Variants in FHIT observed in about 807,000 individuals in gnomAD.
FHIT encodes bis(5'-adenosyl)-triphosphatase.
A neutral mutation model predicts 17.9 loss-of-function variants in FHIT; 19 were observed. The ratio of observed to expected loss-of-function variants is 1.06; its 90% CI spans 0.74 to 1.56. The LOEUF (loss-of-function observed/expected upper bound fraction) is 1.56, where lower values mean the gene tolerates loss of function less well. Ranked by LOEUF, FHIT falls within the 40% of genes most tolerant of loss-of-function variation. The pLI is 0.00. For synonymous variants in FHIT, 81 were observed against 69.7 expected, an observed-to-expected ratio of 1.16 and a Z score of -0.81; for missense variants, 248 against 189.2, an observed-to-expected ratio of 1.31 and a Z score of -1.82.
chr3:59,983,362 G>A (rs537102190), intron 7 of FHIT, among the ~76,000 whole-genome samples: 1 of 152,200 alleles, frequency 6.6e-6, no homozygotes, highest in South Asian at 2.1e-4. Context: ...TACTTTCTAT[G>A]GTTTCAAGTT....
intron 4 of FHIT, among the ~76,000 whole-genome samples, chr3:60,744,413 G>A (rs2042315796): frequency 6.6e-6 from 1 of 152,000 alleles, no homozygotes; most frequent in Non-Finnish European, 1.5e-5. Flanking sequence ...ATGGATCAGT[G>A]AAAACAACGA....
At chr3:61,212,783 A>G (rs1576232729) in intron 1 of FHIT, among the ~76,000 whole-genome samples, 1 of 152,382 alleles carries the variant, frequency 6.6e-6, no homozygotes, top group African/African-American at 2.4e-5. Context: ...AGGGAAGCCT[A>G]TCAGACTAAC....
chr3:60,822,350 T>A (rs1340529764), intron 3 of FHIT, among the ~76,000 whole-genome samples: 2 of 152,102 alleles, frequency 1.3e-5, no homozygotes, highest in Non-Finnish European at 2.9e-5. Flanking sequence ...GCACTGGGGC[T>A]TTCCATTTTG....
intron 3 of FHIT, among the ~76,000 whole-genome samples, chr3:60,885,619 A>C (rs1250170433): frequency 6.6e-6 from 1 of 151,928 alleles, no homozygotes; most frequent in Non-Finnish European, 1.5e-5. Flanking sequence ...TTCAAAATTG[A>C]CTCTTGTCCA....
chr3:60,920,991 A>G (rs1376952985), intron 3 of FHIT, among the ~76,000 whole-genome samples: 6 of 152,226 alleles, frequency 3.9e-5, no homozygotes, highest in South Asian at 2.1e-4. Flanking sequence ...GGCTAACTGT[A>G]TAAGTATAGG....
At chr3:60,823,908 A>C (rs570222603) in intron 3 of FHIT, among the ~76,000 whole-genome samples, 1 of 152,278 alleles carries the variant, frequency 6.6e-6, no homozygotes, top group African/African-American at 2.4e-5. Flanking sequence ...AGAAAGTACA[A>C]ACCTCCCAGG....
chr3:60,304,202 G>T (rs1405256585), intron 5 of FHIT, among the ~76,000 whole-genome samples: 2 of 149,736 alleles, frequency 1.3e-5, no homozygotes, highest in African/African-American at 4.9e-5. Flanking sequence ...TTAAATGCCT[G>T]TGAACACACT....
At chr3:60,210,658 T>C (rs2107514910) in intron 5 of FHIT, among the ~76,000 whole-genome samples, 1 of 152,262 alleles carries the variant, frequency 6.6e-6, no homozygotes, top group South Asian at 2.1e-4. Flanking sequence ...CACTGGACTG[T>C]GCTGTTAATA....
chr3:61,159,576 A>G (rs1020663813), intron 2 of FHIT, among the ~76,000 whole-genome samples: 5 of 152,240 alleles, frequency 3.3e-5, no homozygotes, highest in Non-Finnish European at 7.3e-5. Flanking sequence ...AGCAGCCATC[A>G]AAGTCCATGG....
chr3:60,490,676 A>C (rs2034025955), intron 5 of FHIT, among the ~76,000 whole-genome samples: 1 of 151,974 alleles, frequency 6.6e-6, no homozygotes, highest in Non-Finnish European at 1.5e-5. Context: ...TGTACCAAAA[A>C]AAAAAAAAAA....
intron 1 of FHIT, among the ~76,000 whole-genome samples, chr3:61,204,017 G>A (rs987986700): frequency 2.0e-5 from 3 of 152,032 alleles, no homozygotes; most frequent in African/African-American, 7.2e-5. Context: ...ATATAACTTT[G>A]GAAAATCAGT....
chr3:59,999,637 T>TA (rs1699651657), intron 7 of FHIT, among the ~76,000 whole-genome samples: 1 of 152,222 alleles, frequency 6.6e-6, no homozygotes, highest in East Asian at 1.9e-4. Flanking sequence ...ATTGGTCACC[T>TA]AATTTTTTTC....
intron 5 of FHIT, among the ~76,000 whole-genome samples, chr3:60,134,997 T>A (rs191902561): frequency 6.6e-6 from 1 of 150,882 alleles, no homozygotes; most frequent in East Asian, 2.0e-4. Flanking sequence ...GGAAAGGAGA[T>A]GAAAAAGGAT....
intron 5 of FHIT, among the ~76,000 whole-genome samples, chr3:60,171,872 T>A (rs1375559516): frequency 3.3e-4 from 11 of 33,352 alleles, no homozygotes; most frequent in Admixed American, 8.9e-4. Flanking sequence ...TGCCCAGCTA[T>A]TTTTTTTTTA....
chr3:61,049,985 A>G (rs771874050), intron 2 of FHIT, among the ~76,000 whole-genome samples: 4 of 152,098 alleles, frequency 2.6e-5, no homozygotes, highest in Non-Finnish European at 5.9e-5. Context: ...CCAGTTTATT[A>G]CCATTAGATC....
At chr3:59,838,666 T>C (rs763819326) in intron 8 of FHIT, among the ~76,000 whole-genome samples, 40 of 152,294 alleles carry the variant, frequency 2.6e-4, no homozygotes, top group Non-Finnish European at 4.4e-4. Flanking sequence ...GGTGAGAGTT[T>C]TGATCCAGTT....
At chr3:60,911,043 A>G (rs2107269689) in intron 3 of FHIT, among the ~76,000 whole-genome samples, 1 of 152,254 alleles carries the variant, frequency 6.6e-6, no homozygotes, top group East Asian at 1.9e-4. Context: ...AAAAATGAGA[A>G]CCAATGCTGT....
intron 8 of FHIT, among the ~76,000 whole-genome samples, chr3:59,900,349 G>A (rs1405624955): frequency 3.3e-5 from 5 of 152,216 alleles, no homozygotes; most frequent in East Asian, 1.9e-4. Flanking sequence ...CTTCAACCAC[G>A]TGATGTATTG....
At chr3:60,051,741 A>G (rs169841) in intron 5 of FHIT, among the ~76,000 whole-genome samples, 75,225 of 151,932 alleles carry the variant, frequency 0.5, 19,166 homozygotes, top group Middle Eastern at 0.65. Flanking sequence ...CTAAGCTGCC[A>G]AGTCCCCAAG....
Sources: gnomAD v4.1 joint callset for allele counts (sites outside exome capture counted in the v4.1 genomes callset) on GRCh38, gnomAD v4.1.1 for gene constraint, MANE v1.5 for transcripts, NCBI Gene and HGNC (gene_info 2026-07-23, HGNC 2026-07-21) for gene names.